ERC2: variants seen among roughly 807,000 people sequenced by gnomAD.
ERC2 encodes ELKS/RAB6-interacting/CAST family member 2.
ERC2 carries 42 observed loss-of-function variants against 114.8 expected under a neutral mutation model. That is an observed-to-expected ratio of 0.37 (90% CI 0.29 to 0.47). ERC2 has a LOEUF of 0.47. ERC2 is among the 20% of genes least tolerant of loss of function. The pLI is 0.99. For missense variants in ERC2, 939 were observed against 1,150.7 expected (o/e 0.82, Z 2.66); for synonymous variants, 454 against 425.5 (o/e 1.07, Z -0.82).
At chr3:55,822,568 C>CT (rs202173599) in intron 14 of ERC2, among the ~76,000 whole-genome samples, 41,656 of 136,970 alleles carry the variant, frequency 0.3, 7,375 homozygotes, top group African/African-American at 0.47. Context: ...TCTTTTTTTT[C>CT]TTTTTTTTTT....
At chr3:55,644,112 A>G (rs1178560802) in intron 17 of ERC2, among the ~76,000 whole-genome samples, 1 of 152,162 alleles carries the variant, frequency 6.6e-6, no homozygotes, top group Admixed American at 6.5e-5. Context: ...CAGTCCACCC[A>G]AGTTAGAGCA....
intron 17 of ERC2, among the ~76,000 whole-genome samples, chr3:55,517,079 C>A (rs2052564016): frequency 6.6e-6 from 1 of 152,212 alleles, no homozygotes; most frequent in African/African-American, 2.4e-5. Context: ...TCTTTTGTGT[C>A]CTACTTTTCC....
intron 2 of ERC2, among the ~76,000 whole-genome samples, chr3:56,421,172 C>T (rs2061375732): frequency 6.6e-6 from 1 of 152,158 alleles, no homozygotes; most frequent in Non-Finnish European, 1.5e-5. Context: ...TAGTTATAGA[C>T]AGAAGTTAAC....
chr3:55,664,750 G>T (rs549609517), intron 17 of ERC2, among the ~76,000 whole-genome samples: 3 of 152,248 alleles, frequency 2.0e-5, no homozygotes, highest in South Asian at 2.1e-4. Flanking sequence ...GAAACCAAAC[G>T]CTCTTTGTGG....
chr3:56,172,063 T>A lies in ERC2; in HGVS notation c.1149+1383A>T, dbSNP rs541727914. 3.3e-5 allele frequency among the ~76,000 whole-genome samples: 5 copies of A among 150,894 alleles called. No homozygotes were observed. In the East Asian group the frequency reaches 9.7e-4, roughly 29 times the overall value. On this transcript the variant is annotated intron_variant, in intron 4 of 17. Transcript: ENST00000288221. ...TTTTTTTTAAAGCCTTAACCAAGTATCAGGTTTGATTCCAATGTGAAGTGA... is the reference window on the plus strand; with the variant it reads ...TTTTTTTTAAAGCCTTAACCAAGTAACAGGTTTGATTCCAATGTGAAGTGA...
At chr3:55,776,383 T>C (rs534957441) in intron 14 of ERC2, among the ~76,000 whole-genome samples, 65 of 152,110 alleles carry the variant, frequency 4.3e-4, no homozygotes, top group Admixed American at 1.2e-3. Flanking sequence ...AGGTACATAA[T>C]GTGACTAAGG....
At chr3:56,187,546 C>A (rs1459764842) in intron 3 of ERC2, among the ~76,000 whole-genome samples, 1 of 152,130 alleles carries the variant, frequency 6.6e-6, no homozygotes, top group Non-Finnish European at 1.5e-5. Context: ...ATACACGCAT[C>A]CACACACTAA....
intron 14 of ERC2, among the ~76,000 whole-genome samples, chr3:55,785,744 C>A (rs2069435068): frequency 6.6e-6 from 1 of 152,328 alleles, no homozygotes; most frequent in East Asian, 1.9e-4. Context: ...TATACAAAGC[C>A]AGCTCTGCAC....
intron 17 of ERC2, among the ~76,000 whole-genome samples, chr3:55,584,839 G>A (rs1312776042): frequency 6.6e-6 from 1 of 152,172 alleles, no homozygotes; most frequent in Non-Finnish European, 1.5e-5. Flanking sequence ...GTAGTACTTG[G>A]GCATTCCCGC....
At chr3:55,639,762 T>C (rs1193724043) in intron 17 of ERC2, among the ~76,000 whole-genome samples, 1 of 152,244 alleles carries the variant, frequency 6.6e-6, no homozygotes, top group Admixed American at 6.5e-5. Flanking sequence ...CTTTGGTTTT[T>C]GTGGGGTATG....
At chr3:56,013,986 T>C (rs185088653) in intron 8 of ERC2, among the ~76,000 whole-genome samples, 22 of 152,320 alleles carry the variant, frequency 1.4e-4, no homozygotes, top group African/African-American at 5.3e-4. Flanking sequence ...CCAGTTCCTA[T>C]CCAACGGTTT....
intron 2 of ERC2, among the ~76,000 whole-genome samples, chr3:56,399,594 A>G (rs2060444182): frequency 1.3e-5 from 2 of 152,206 alleles, no homozygotes. Context: ...CTAGATAAAG[A>G]GTACTGCAGA....
intron 12 of ERC2, among the ~76,000 whole-genome samples, chr3:55,984,912 C>G (rs760400115): frequency 6.6e-6 from 1 of 152,120 alleles, no homozygotes; most frequent in Non-Finnish European, 1.5e-5. Flanking sequence ...TAAAGACATG[C>G]CTTGTTTTGA....
chr3:55,726,341 C>T (rs893080211), intron 15 of ERC2, among the ~76,000 whole-genome samples: 9 of 152,194 alleles, frequency 5.9e-5, no homozygotes, highest in African/African-American at 2.2e-4. Context: ...ACTGTGCTAA[C>T]CTCCTGAACC....
At chr3:56,425,956 G>GCTTT (rs1457664261) in intron 2 of ERC2, among the ~76,000 whole-genome samples, 1 of 152,172 alleles carries the variant, frequency 6.6e-6, no homozygotes, top group Non-Finnish European at 1.5e-5. Context: ...CTTGTCTATT[G>GCTTT]CTTTCTTTCT....
At chr3:55,729,552 C>T (rs577021655) in intron 15 of ERC2, among the ~76,000 whole-genome samples, 1 of 152,116 alleles carries the variant, frequency 6.6e-6, no homozygotes, top group South Asian at 2.1e-4. Flanking sequence ...AAAAAGTAAG[C>T]CTGTCTGGGT....
chr3:55,620,960 A>G (rs1293662314), intron 17 of ERC2, among the ~76,000 whole-genome samples: 1 of 152,154 alleles, frequency 6.6e-6, no homozygotes, highest in Non-Finnish European at 1.5e-5. Context: ...ACAACTACCT[A>G]TGGGGCTTGT....
At chr3:55,865,574 T>C (rs1203303977) in intron 14 of ERC2, among the ~76,000 whole-genome samples, 1 of 152,084 alleles carries the variant, frequency 6.6e-6, no homozygotes, top group Non-Finnish European at 1.5e-5. Context: ...GGAATTTTTT[T>C]TCACCCCAAA....
At chr3:55,555,004 G>A (rs1175110572) in intron 17 of ERC2, among the ~76,000 whole-genome samples, 1 of 152,120 alleles carries the variant, frequency 6.6e-6, no homozygotes, top group Admixed American at 6.5e-5. Flanking sequence ...CTTCACCAGC[G>A]ATTCTGAGGA....
Sources: gnomAD v4.1 joint callset for allele counts (sites outside exome capture counted in the v4.1 genomes callset) on GRCh38, gnomAD v4.1.1 for gene constraint, MANE v1.5 for transcripts, NCBI Gene and HGNC (gene_info 2026-07-23, HGNC 2026-07-21) for gene names.